The following CSMD3 variants were observed in gnomAD, a reference collection of about 807,000 sequenced individuals.
CSMD3 encodes CUB and sushi domain-containing protein 3.
In CSMD3, 177 loss-of-function variants were observed where a neutral mutation model predicts 435.2. That is an observed-to-expected ratio of 0.41 (90% confidence interval 0.36 to 0.46). CSMD3 has a LOEUF of 0.46. Ranked by LOEUF, CSMD3 falls within the 20% of genes least tolerant of loss-of-function variation. The pLI is 0.34. For synonymous variants in CSMD3, 1,656 were observed against 1,520.5 expected (o/e 1.09, Z -2.07); for missense variants, 4,265 against 4,504.6 (o/e 0.95, Z 1.52).
chr8:112,624,901 C>A (rs1185864434), intron 22 of CSMD3, among the ~76,000 whole-genome samples: 1 of 151,856 alleles, frequency 6.6e-6, no homozygotes, highest in East Asian at 1.9e-4. Flanking sequence ...TACATGTAAT[C>A]TTTATTCCTG....
At chr8:112,669,528 G>A (rs2075607292) in intron 16 of CSMD3, among the ~76,000 whole-genome samples, 1 of 152,028 alleles carries the variant, frequency 6.6e-6, no homozygotes, top group Non-Finnish European at 1.5e-5. Context: ...ATGAGCTTGT[G>A]TATCTCCAGG....
chr8:113,412,176 CTG>C (rs2094562715), intron 1 of CSMD3, among the ~76,000 whole-genome samples: 1 of 152,056 alleles, frequency 6.6e-6, no homozygotes, highest in Non-Finnish European at 1.5e-5. Flanking sequence ...AAGTCAATCT[CTG>C]TACATTTTTC....
At chr8:113,341,656 G>A (rs1328832471) in intron 1 of CSMD3, among the ~76,000 whole-genome samples, 1 of 152,040 alleles carries the variant, frequency 6.6e-6, no homozygotes, top group East Asian at 1.9e-4. Flanking sequence ...AATAAAAAAT[G>A]TTCAAATTTG....
intron 35 of CSMD3, among the ~76,000 whole-genome samples, chr8:112,401,682 C>A (rs2129929995): frequency 6.6e-6 from 1 of 152,250 alleles, no homozygotes; most frequent in East Asian, 1.9e-4. Flanking sequence ...GGAAATTTCA[C>A]TGTCCTCCTA....
intron 13 of CSMD3, among the ~76,000 whole-genome samples, chr8:112,761,958 T>G (rs188853739): frequency 6.6e-6 from 1 of 152,004 alleles, no homozygotes; most frequent in Non-Finnish European, 1.5e-5. Context: ...ACGTGGACAA[T>G]AGTATATTTA....
intron 3 of CSMD3, among the ~76,000 whole-genome samples, chr8:113,205,760 A>G (rs1479900353): frequency 1.3e-5 from 2 of 152,208 alleles, no homozygotes; most frequent in Admixed American, 1.3e-4. Context: ...CACAGATGAA[A>G]CAACTACATA....
chr8:112,587,241 G>A lies in CSMD3; in HGVS notation c.3716-6C>T. ...TGCAGATGCACCACATTCAGCTGCA[G>A]GTAAAACAGAATATTGAAGTACAGT... On this transcript the variant is annotated splice_polypyrimidine_tract_variant and splice_region_variant and intron_variant, in intron 22 of 70. Transcript: ENST00000297405. 1 of 1,601,322 alleles carries A rather than the reference G, an allele frequency of 6.2e-7. No homozygotes were observed. The highest frequency in any genetic ancestry group is 8.5e-7 in the Non-Finnish European group (1 of 1,169,742).
At chr8:113,069,132 A>T (rs2088991347) in intron 5 of CSMD3, among the ~76,000 whole-genome samples, 1 of 152,134 alleles carries the variant, frequency 6.6e-6, no homozygotes, top group African/African-American at 2.4e-5. Context: ...CACAAATGTT[A>T]TTAAGTTCCC....
At position 113,277,996 on chromosome 8, in the gene CSMD3, G is replaced by A. The variant is rs148382294; in HGVS notation, c.514+596C>T. On this transcript the variant is annotated intron_variant, in intron 3 of 70. Transcript: ENST00000297405. ...ATATGTATGAGTATCCACACTAAGC[G>A]TGATAAATAAAGATCATAAATGTCC... Among the ~76,000 whole-genome samples the A allele has an allele frequency of 3.2e-3, 493 of 151,942 alleles. 3 individuals are homozygous for A. The East Asian group carries it at 0.04, about 12-fold the overall frequency.
chr8:113,419,841 T>C (rs933658533), intron 1 of CSMD3, among the ~76,000 whole-genome samples: 2 of 152,132 alleles, frequency 1.3e-5, no homozygotes, highest in African/African-American at 4.8e-5. Flanking sequence ...GAGATCATCA[T>C]TTAACTATTT....
intron 12 of CSMD3, among the ~76,000 whole-genome samples, chr8:112,801,673 A>T (rs907694885): frequency 6.6e-6 from 1 of 151,964 alleles, no homozygotes; most frequent in Non-Finnish European, 1.5e-5. Context: ...TGAACTTTCA[A>T]ATTGGTGATT....
intron 32 of CSMD3, among the ~76,000 whole-genome samples, chr8:112,449,130 G>A (rs1457838735): frequency 6.6e-6 from 1 of 152,010 alleles, no homozygotes; most frequent in African/African-American, 2.4e-5. Context: ...CTATATCCAA[G>A]CCAGCAGTAA....
chr8:112,396,666 A>G (rs1036409069), intron 35 of CSMD3, among the ~76,000 whole-genome samples: 2 of 152,172 alleles, frequency 1.3e-5, no homozygotes, highest in Non-Finnish European at 2.9e-5. Context: ...TCACTGAATA[A>G]AAGTTTGCTG....
chr8:112,931,492 T>TAA (rs34728073), intron 9 of CSMD3, among the ~76,000 whole-genome samples: 4,847 of 136,724 alleles, frequency 0.035, 136 homozygotes, highest in Middle Eastern at 0.058. Flanking sequence ...ATAAAACTAC[T>TAA]AAAAAAAAAA....
At chr8:113,280,850 C>T (rs373951840) in intron 2 of CSMD3, among the ~76,000 whole-genome samples, 9 of 151,716 alleles carry the variant, frequency 5.9e-5, no homozygotes, top group African/African-American at 2.2e-4. Context: ...TTTGATACAT[C>T]GTACCATTAT....
rs1012656853 is a variant in CSMD3, at chr8:112,830,495, T to A, written c.1756-706A>T. 2.0e-5 allele frequency among the ~76,000 whole-genome samples: 3 copies of A among 152,092 alleles called. No homozygotes were observed. The East Asian group carries it at 5.8e-4, about 29-fold the overall frequency. On this transcript the variant is annotated intron_variant, in intron 11 of 70. Transcript: ENST00000297405. The stretch of plus-strand genomic sequence containing the variant: ...AAATTCAAATTTAATTAAATTGCAA[T>A]TTTAAAAATAGCTATAATATTGAAA...
intron 35 of CSMD3, among the ~76,000 whole-genome samples, chr8:112,391,054 T>C (rs1449266406): frequency 6.6e-6 from 1 of 152,156 alleles, no homozygotes; most frequent in African/African-American, 2.4e-5. Flanking sequence ...AGTATTTGTA[T>C]TATATTACTA....
intron 6 of CSMD3, among the ~76,000 whole-genome samples, chr8:112,990,056 A>T (rs933260390): frequency 7.9e-5 from 12 of 151,902 alleles, no homozygotes; most frequent in African/African-American, 2.9e-4. Flanking sequence ...TTTGTTCCTC[A>T]TTCACCTTCC....
At chr8:112,951,029 T>G (rs560846733) in intron 8 of CSMD3, among the ~76,000 whole-genome samples, 2 of 151,924 alleles carry the variant, frequency 1.3e-5, no homozygotes, top group Non-Finnish European at 2.9e-5. Context: ...CAATTTAAAA[T>G]GTAAGGATAA....
Sources: allele counts gnomAD v4.1 joint callset (sites outside exome capture counted in the v4.1 genomes callset), GRCh38; gene constraint gnomAD v4.1.1; transcripts MANE v1.5; gene names NCBI Gene and HGNC (gene_info 2026-07-23, HGNC 2026-07-21).